MCC: variants seen among roughly 807,000 people sequenced by gnomAD.
The protein encoded by MCC is colorectal mutant cancer protein.
A neutral mutation model predicts 116.2 loss-of-function variants in MCC; 90 were observed. That is an observed-to-expected ratio of 0.77 (90% CI 0.65 to 0.92). MCC has a LOEUF of 0.92. MCC is among the 40% of genes least tolerant of loss of function. The pLI, the probability that MCC is intolerant of heterozygous loss-of-function variation, is 0.00. For synonymous variants in MCC, 578 were observed against 510.5 expected, an observed-to-expected ratio of 1.13 and a Z score of -1.78; for missense variants, 1,516 against 1,312.2, an observed-to-expected ratio of 1.16 and a Z score of -2.40.
intron 11 of MCC, 124 bp from the exon 12 acceptor site, chr5:113,071,358 G>C: frequency 1.1e-6 from 1 of 948,154 alleles, no homozygotes; most frequent in Middle Eastern, 3.1e-4. Context: ...ATTAGTAGCT[G>C]ACACAGTATT....
Position 113,049,136 on chromosome 5 carries a change from G to A in MCC, c.2612C>T (p.Ser871Phe). Residue 871 changes from serine (S) to phenylalanine (F), a missense_variant, in exon 16 of 19, where the codon TCC (serine) becomes TTC (phenylalanine). Ser to Phe is a radical substitution (Grantham distance 155). Transcript: ENST00000408903. Reference protein sequence around the residue: ...VEEQKEQRMRSLSSTSSGSKD... With the variant: ...VEEQKEQRMRFLSSTSSGSKD... ...GCTGCCGCTGCTGGTGGAGCTGAGG[G>A]ATCGCATCCGCTGCTCCTTCTGCTC... is the stretch of plus-strand genomic sequence containing the variant. The A allele has an allele frequency of 6.2e-7, 1 of 1,614,214 alleles. No individual in the cohort carries two copies. The highest frequency in any genetic ancestry group is 8.5e-7 in the Non-Finnish European group (1 of 1,180,026).
intron 3 of MCC, among the ~76,000 whole-genome samples, chr5:113,297,656 G>C (rs1331602400): frequency 6.6e-6 from 1 of 150,698 alleles, no homozygotes; most frequent in African/African-American, 2.4e-5. Flanking sequence ...AGGAGGCTGA[G>C]GCACGAGAAC....
chr5:113,105,157 C>CGGA (rs1756656515), intron 6 of MCC, among the ~76,000 whole-genome samples: 2 of 152,182 alleles, frequency 1.3e-5, no homozygotes, highest in African/African-American at 4.8e-5. Context: ...ATCGCCATGC[C>CGGA]ATTCAATTAT....
intron 2 of MCC, among the ~76,000 whole-genome samples, chr5:113,358,961 T>C (rs936795746): frequency 6.6e-6 from 1 of 152,214 alleles, no homozygotes; most frequent in South Asian, 2.1e-4. Context: ...AATCTGTGCC[T>C]GTGGTCACAA....
At chr5:113,252,067 C>T (rs1288836763) in intron 3 of MCC, among the ~76,000 whole-genome samples, 1 of 152,228 alleles carries the variant, frequency 6.6e-6, no homozygotes, top group African/African-American at 2.4e-5. Flanking sequence ...GCTTTCTTTT[C>T]ACCACAACCC....
At chr5:113,431,521 C>G (rs1395895355) in intron 1 of MCC, among the ~76,000 whole-genome samples, 1 of 152,090 alleles carries the variant, frequency 6.6e-6, no homozygotes, top group Non-Finnish European at 1.5e-5. Context: ...TCTTGAGGTA[C>G]AAGGGGCTAG....
intron 1 of MCC, among the ~76,000 whole-genome samples, chr5:113,403,525 A>G (rs7715884): frequency 0.1 from 15,512 of 152,280 alleles, 1,307 homozygotes; most frequent in African/African-American, 0.22. Flanking sequence ...AGTACAAATC[A>G]TATCACAGAT....
At chr5:113,452,198 T>C (rs1336003516) in intron 1 of MCC, among the ~76,000 whole-genome samples, 2 of 152,174 alleles carry the variant, frequency 1.3e-5, no homozygotes, top group African/African-American at 4.8e-5. Context: ...CTGCCTTCTA[T>C]TGGTCAAGGT....
intron 6 of MCC, among the ~76,000 whole-genome samples, chr5:113,105,298 C>T (rs754920681): frequency 3.3e-5 from 5 of 152,210 alleles, no homozygotes; most frequent in African/African-American, 1.2e-4. Context: ...ATGCTTCTCA[C>T]CACAGGTTCC....
intron 2 of MCC, among the ~76,000 whole-genome samples, chr5:113,374,287 T>C (rs1768926535): frequency 6.6e-6 from 1 of 151,844 alleles, no homozygotes; most frequent in Non-Finnish European, 1.5e-5. Context: ...ATCTTAACAG[T>C]GTTTGACAGC....
chr5:113,061,669 G>C (rs550465638), intron 14 of MCC, among the ~76,000 whole-genome samples: 2 of 152,106 alleles, frequency 1.3e-5, no homozygotes, highest in Admixed American at 6.5e-5. Context: ...CCCTCCTGTC[G>C]TTAGGAGCTG....
At chr5:113,396,476 C>CCAAA (rs1769526858) in intron 1 of MCC, among the ~76,000 whole-genome samples, 1 of 144,006 alleles carries the variant, frequency 6.9e-6, no homozygotes, top group South Asian at 2.2e-4. Context: ...ACTAACAATA[C>CCAAA]AAAAAAAAAA....
chr5:113,084,913 G>A (rs560290001), intron 9 of MCC, among the ~76,000 whole-genome samples: 1 of 152,202 alleles, frequency 6.6e-6, no homozygotes, highest in African/African-American at 2.4e-5. Flanking sequence ...ATAATGACTT[G>A]TCAGCTGTGA....
Position 113,122,841 on chromosome 5 carries a change from G to T in MCC, c.885-15C>A. 6.2e-7 allele frequency: 1 copy of T among 1,613,974 alleles called. No homozygotes were observed. The highest frequency in any genetic ancestry group is 8.5e-7 in the Non-Finnish European group (1 of 1,179,876). ...CATCTTCCTCCCTGAGAAAAAAGGA[G>T]AATTGGCAACCACTAACAGAGGATA... On this transcript the variant is annotated splice_polypyrimidine_tract_variant and intron_variant, in intron 5 of 18. Coordinates refer to ENST00000408903, the MANE Select transcript of MCC (RefSeq NM_001085377.2).
chr5:113,291,482 G>A (rs760307563), intron 3 of MCC, among the ~76,000 whole-genome samples: 3 of 152,264 alleles, frequency 2.0e-5, no homozygotes, highest in Non-Finnish European at 4.4e-5. Flanking sequence ...GAGTAAGCCC[G>A]CAAGTCAACA....
intron 1 of MCC, among the ~76,000 whole-genome samples, chr5:113,464,028 C>A (rs1580409645): frequency 1.3e-5 from 2 of 152,246 alleles, no homozygotes; most frequent in Admixed American, 6.5e-5. Context: ...ATGGGCAACA[C>A]AGTCAATGGC....
chr5:113,164,092 G>C (rs894178747), intron 3 of MCC, among the ~76,000 whole-genome samples: 2 of 152,116 alleles, frequency 1.3e-5, no homozygotes, highest in Admixed American at 6.6e-5. Flanking sequence ...CAAGCTCCCA[G>C]TGTATTCAGA....
chr5:113,473,757 A>G (rs1410288047), intron 1 of MCC, among the ~76,000 whole-genome samples: 2 of 152,240 alleles, frequency 1.3e-5, no homozygotes, highest in Non-Finnish European at 2.9e-5. Context: ...AACTACAAAT[A>G]AAGAGAAACT....
At position 113,296,040 on chromosome 5, in the gene MCC, C is replaced by T. The variant is rs182434044; in HGVS notation, c.627+44479G>A. On this transcript the variant is annotated intron_variant, in intron 3 of 18. Transcript: ENST00000408903. ...TTTGCATATAACGTTTTACCCATCC[C>T]CCTTCTTGTTGAGTTCATTCATTGC... 2.6e-5 allele frequency among the ~76,000 whole-genome samples: 4 copies of T among 152,274 alleles called. No homozygotes were observed. In the East Asian group the frequency reaches 7.7e-4, roughly 29 times the overall value.
Sources: gnomAD v4.1 joint callset for allele counts (sites outside exome capture counted in the v4.1 genomes callset) on GRCh38, gnomAD v4.1.1 for gene constraint, MANE v1.5 for transcripts, NCBI Gene and HGNC (gene_info 2026-07-23, HGNC 2026-07-21) for gene names.